Variants in TMEM62 observed in about 807,000 individuals in gnomAD.
TMEM62 encodes transmembrane protein 62.
TMEM62 carries 41 observed loss-of-function variants against 70.4 expected under a neutral mutation model. The observed-to-expected ratio is 0.58, with a 90% confidence interval of 0.45 to 0.76. The LOEUF (loss-of-function observed/expected upper bound fraction) is 0.76. Ranked by LOEUF, TMEM62 falls within the 30% of genes least tolerant of loss-of-function variation. The pLI is 0.00. For missense variants in TMEM62, 688 were observed against 788.5 expected (o/e 0.87, Z 1.53); for synonymous variants, 268 against 291.0 (o/e 0.92, Z 0.80).
chr15:43,175,989 G>A (rs1226141143), intron 11 of TMEM62, among the ~76,000 whole-genome samples: 11 of 152,198 alleles, frequency 7.2e-5, no homozygotes, highest in Admixed American at 5.9e-4. Context: ...CTAATACTGC[G>A]CTTTTCTGAT....
At chr15:43,151,410 G>A (rs1009071485) in intron 7 of TMEM62, among the ~76,000 whole-genome samples, 63 of 152,046 alleles carry the variant, frequency 4.1e-4, no homozygotes, top group African/African-American at 1.5e-3. Context: ...ATTTTATGTA[G>A]CATTGTTGAT....
intron 13 of TMEM62, chr15:43,183,951 G>A: frequency 3.0e-6 from 1 of 338,172 alleles, no homozygotes; most frequent in Non-Finnish European, 5.4e-6. Flanking sequence ...TTGTATGTGT[G>A]TGTATACATT....
intron 4 of TMEM62, chr15:43,145,998 A>C (rs779578517): frequency 6.6e-6 from 1 of 152,636 alleles, no homozygotes. Context: ...TTAGGAACTG[A>C]AAAAGATTTA....
chr15:43,168,677 T>C (rs1384429221), intron 10 of TMEM62, among the ~76,000 whole-genome samples: 2 of 152,032 alleles, frequency 1.3e-5, no homozygotes, highest in Non-Finnish European at 2.9e-5. Context: ...GCCTGGAGAG[T>C]TGGGGGATGG....
At chr15:43,147,338 C>A (rs1427404054) in intron 5 of TMEM62, among the ~76,000 whole-genome samples, 1 of 152,144 alleles carries the variant, frequency 6.6e-6, no homozygotes, top group Non-Finnish European at 1.5e-5. Flanking sequence ...TTTGACAAGG[C>A]TAGGTGATTG....
intron 2 of TMEM62, among the ~76,000 whole-genome samples, chr15:43,134,944 C>T (rs1371974766): frequency 6.6e-6 from 1 of 152,198 alleles, no homozygotes; most frequent in Non-Finnish European, 1.5e-5. Context: ...GGGAATTCAT[C>T]ACTCATCCAC....
intron 9 of TMEM62, among the ~76,000 whole-genome samples, chr15:43,156,248 A>T (rs1156754083): frequency 2.0e-5 from 3 of 152,194 alleles, no homozygotes; most frequent in Non-Finnish European, 4.4e-5. Context: ...CTCTAAGGAG[A>T]TGCTAGGCAC....
Position 43,178,588 on chromosome 15 carries a change from T to C in TMEM62, c.1382-19T>C. The C allele has an allele frequency of 6.5e-7, 1 of 1,541,150 alleles. No homozygotes were observed. The highest frequency in any genetic ancestry group is 8.9e-7 in the Non-Finnish European group (1 of 1,117,860). ...ACTTTGCATGTGTTCACTGGGTTTTTCAACTTTATGTTTTTTAGAACCTTC... is the reference window on the plus strand; with the variant it reads ...ACTTTGCATGTGTTCACTGGGTTTTCCAACTTTATGTTTTTTAGAACCTTC... On this transcript the variant is annotated intron_variant, in intron 11 of 13. Transcript: ENST00000260403.
At chr15:43,147,396 T>A (rs2036811861) in intron 5 of TMEM62, among the ~76,000 whole-genome samples, 1 of 152,238 alleles carries the variant, frequency 6.6e-6, no homozygotes, top group Admixed American at 6.5e-5. Context: ...CTCTTATTAT[T>A]TCTTGGTACA....
intron 9 of TMEM62, among the ~76,000 whole-genome samples, chr15:43,159,178 G>A (rs541299210): frequency 1.8e-4 from 28 of 152,246 alleles, no homozygotes; most frequent in East Asian, 5.8e-4. Context: ...CATGCAATGC[G>A]TAATAATCAC....
At chr15:43,142,558 G>A (rs1278231286) in intron 4 of TMEM62, among the ~76,000 whole-genome samples, 1 of 152,074 alleles carries the variant, frequency 6.6e-6, no homozygotes, top group East Asian at 1.9e-4. Context: ...CCACCACCCT[G>A]ATCAGTCAGC....
chr15:43,135,801 T>A, intron 3 of TMEM62, 152 bp downstream of exon 3: 1 of 868,646 alleles, frequency 1.2e-6, no homozygotes, highest in Non-Finnish European at 1.6e-6. Context: ...AATGTGGTTT[T>A]AAAACTTCAA....
At chr15:43,173,402 A>G (rs571521489) in intron 11 of TMEM62, among the ~76,000 whole-genome samples, 1 of 152,300 alleles carries the variant, frequency 6.6e-6, no homozygotes, top group East Asian at 1.9e-4. Context: ...TCACTTCTGT[A>G]TGCAAAAGCC....
intron 11 of TMEM62, among the ~76,000 whole-genome samples, chr15:43,177,156 G>A (rs1455739063): frequency 3.9e-5 from 6 of 151,938 alleles, no homozygotes; most frequent in South Asian, 2.1e-4. Context: ...AAAAAGAAAC[G>A]AGCAAAGCCT....
intron 7 of TMEM62, among the ~76,000 whole-genome samples, chr15:43,150,755 C>G (rs2037262762): frequency 6.6e-6 from 1 of 152,182 alleles, no homozygotes; most frequent in Admixed American, 6.5e-5. Context: ...AAGGAGAACT[C>G]ACACCCACTC....
At position 43,167,373 on chromosome 15, in the gene TMEM62, G is replaced by A. The variant is rs567396217; in HGVS notation, c.1297-2220G>A. 9.0e-3 allele frequency among the ~76,000 whole-genome samples: 1,370 copies of A among 151,868 alleles called. 25 individuals are homozygous for A. Among genetic ancestry groups the A allele is most frequent in the African/African-American group, 0.031 (1,302 of 41,402 alleles). On this transcript the variant is annotated intron_variant, in intron 10 of 13. Transcript: ENST00000260403. ...GGGCTCCTCACTTCTCAGACGGGGC[G>A]GCTGCTGGGCTGAGGGGCACCTCAC...
chr15:43,179,003 T>C (rs2041069804), intron 12 of TMEM62, among the ~76,000 whole-genome samples: 1 of 152,230 alleles, frequency 6.6e-6, no homozygotes, highest in African/African-American at 2.4e-5. Flanking sequence ...TTTGTCTATC[T>C]TAAAGTTTTA....
At chr15:43,170,925 C>T (rs1460286787) in intron 11 of TMEM62, among the ~76,000 whole-genome samples, 1 of 152,094 alleles carries the variant, frequency 6.6e-6, no homozygotes, top group Non-Finnish European at 1.5e-5. Context: ...TCAAGAAAAG[C>T]CAAGAGTACA....
chr15:43,182,433 GTTTTC>G (rs915033603), intron 13 of TMEM62, among the ~76,000 whole-genome samples: 26 of 150,594 alleles, frequency 1.7e-4, no homozygotes, highest in African/African-American at 4.7e-4. Context: ...GTTCATTTCA[GTTTTC>G]TTTTCTTTTC....
Sources: allele counts gnomAD v4.1 joint callset (sites outside exome capture counted in the v4.1 genomes callset), GRCh38; gene constraint gnomAD v4.1.1; transcripts MANE v1.5; gene names NCBI Gene and HGNC (gene_info 2026-07-23, HGNC 2026-07-21).